The following RGS17 variants were observed in gnomAD, a reference collection of about 807,000 sequenced individuals.
RGS17 encodes regulator of G protein signaling 17.
A neutral mutation model predicts 25.5 loss-of-function variants in RGS17; 12 were observed. That is an observed-to-expected ratio of 0.47 (90% confidence interval 0.30 to 0.76). The LOEUF is 0.76. Among genes scored for constraint, RGS17 ranks in the 30% least tolerant of loss-of-function variants. The pLI is 0.07. For missense variants in RGS17, 196 were observed against 242.2 expected, an observed-to-expected ratio of 0.81 and a Z score of 1.27; for synonymous variants, 71 against 76.9, an observed-to-expected ratio of 0.92 and a Z score of 0.40.
At chr6:153,106,022 G>A (rs1226014779) in intron 1 of RGS17, among the ~76,000 whole-genome samples, 1 of 152,162 alleles carries the variant, frequency 6.6e-6, no homozygotes, top group Admixed American at 6.5e-5. Flanking sequence ...GGAACTGGGA[G>A]AGCAGAAACG....
At chr6:153,089,669 G>C (rs1462652157) in intron 1 of RGS17, among the ~76,000 whole-genome samples, 1 of 151,918 alleles carries the variant, frequency 6.6e-6, no homozygotes, top group Non-Finnish European at 1.5e-5. Flanking sequence ...TTTGGACTTA[G>C]TTTTTCTCTG....
Position 153,007,094 on chromosome 6 carries a change from G to T in RGS17, c.*4480C>A, listed in dbSNP as rs1779083674. The T allele has an allele frequency of 6.6e-6, 1 of 152,172 alleles. No homozygotes were observed. The highest frequency in any genetic ancestry group is 1.9e-4 in the East Asian group (1 of 5,190). The allele number at this position is 152,172 out of a possible 1,614,324, so 9.4% of individuals were successfully genotyped here. On this transcript the variant is annotated 3_prime_UTR_variant, in exon 5 of 5. Coordinates refer to ENST00000206262, the MANE Select transcript of RGS17 (RefSeq NM_012419.5). ...ACAGCCTCTTGAATTCATCTGAAAA[G>T]ATGTTACTTGGGGCTGGAGAGGACT...
At chr6:153,058,371 C>T (rs1776591510) in intron 1 of RGS17, among the ~76,000 whole-genome samples, 2 of 152,162 alleles carry the variant, frequency 1.3e-5, no homozygotes, top group Admixed American at 1.3e-4. Context: ...GGGTTCTACA[C>T]AAAGGCTTAG....
chr6:153,129,607 G>C (rs1777755292), intron 1 of RGS17, among the ~76,000 whole-genome samples: 1 of 152,154 alleles, frequency 6.6e-6, no homozygotes. Flanking sequence ...ATGAACGCCG[G>C]AAATGCAGAT....
chr6:153,122,197 T>C (rs1053015808), intron 1 of RGS17, among the ~76,000 whole-genome samples: 1 of 152,184 alleles, frequency 6.6e-6, no homozygotes, highest in African/African-American at 2.4e-5. Context: ...TCTTCCTGAA[T>C]ATTTGGCTAT....
chr6:153,104,892 A>G (rs574005929), intron 1 of RGS17, among the ~76,000 whole-genome samples: 2 of 151,942 alleles, frequency 1.3e-5, no homozygotes, highest in South Asian at 2.1e-4. Flanking sequence ...GAAAAAGGAG[A>G]TAAGAAAGTG....
chr6:153,127,051 C>T (rs1386557234), intron 1 of RGS17, among the ~76,000 whole-genome samples: 3 of 152,122 alleles, frequency 2.0e-5, no homozygotes, highest in Admixed American at 2.0e-4. Flanking sequence ...GAAACTGTTC[C>T]ACGTCAGCTC....
At chr6:153,051,411 A>G (rs895201897) in intron 1 of RGS17, among the ~76,000 whole-genome samples, 2 of 152,248 alleles carry the variant, frequency 1.3e-5, no homozygotes, top group African/African-American at 4.8e-5. Flanking sequence ...GTTAGTAGAA[A>G]TATGGATAGT....
chr6:153,129,424 G>A (rs770431188), intron 1 of RGS17, among the ~76,000 whole-genome samples: 17 of 152,212 alleles, frequency 1.1e-4, no homozygotes, highest in Non-Finnish European at 2.4e-4. Flanking sequence ...TCGGAAACAA[G>A]TACAATGTAC....
chr6:153,023,259 T>C, intron 4 of RGS17: 1 of 342,122 alleles, frequency 2.9e-6, no homozygotes, highest in Non-Finnish European at 6.1e-6. Flanking sequence ...CAGATGACTG[T>C]AGCCCATAAA....
intron 1 of RGS17, among the ~76,000 whole-genome samples, chr6:153,063,744 T>A (rs185230084): frequency 1.5e-4 from 23 of 152,214 alleles, no homozygotes; most frequent in Admixed American, 1.5e-3. Context: ...TTATAGAAGG[T>A]TACAGAATAC....
chr6:153,123,956 C>G (rs1403835456), intron 1 of RGS17, among the ~76,000 whole-genome samples: 1 of 152,062 alleles, frequency 6.6e-6, no homozygotes, highest in African/African-American at 2.4e-5. Flanking sequence ...GAGGGTTAAG[C>G]CTCCAGTCTG....
intron 1 of RGS17, among the ~76,000 whole-genome samples, chr6:153,102,575 C>A (rs142298845): frequency 3.9e-5 from 6 of 152,208 alleles, no homozygotes; most frequent in African/African-American, 1.4e-4. Flanking sequence ...TCCCCCATGC[C>A]GTTCTCATGA....
At chr6:153,103,771 T>C (rs1237021187) in intron 1 of RGS17, among the ~76,000 whole-genome samples, 1 of 152,238 alleles carries the variant, frequency 6.6e-6, no homozygotes, top group Middle Eastern at 3.2e-3. Flanking sequence ...CACAAAAGAA[T>C]GGCTATTAAA....
intron 2 of RGS17, among the ~76,000 whole-genome samples, chr6:153,039,958 A>C (rs1776301665): frequency 1.3e-5 from 2 of 152,340 alleles, no homozygotes; most frequent in South Asian, 4.1e-4. Context: ...GAAACGAGAC[A>C]TTCCACTTGC....
chr6:153,010,665 A>T lies in RGS17; in HGVS notation c.*909T>A, dbSNP rs1445737280. 1 of 152,058 alleles carries T rather than the reference A, an allele frequency of 6.6e-6. No homozygotes were observed. Among genetic ancestry groups the T allele is most frequent in the Non-Finnish European group, 1.5e-5 (1 of 67,896 alleles). 9.4% of individuals were successfully genotyped at this position (152,058 alleles called of 1,614,324 possible). ...TTTCTTTATATTCCAAAACTAAGTT[A>T]TCAAGCTTATTATTATTTTTTTCTT... On this transcript the variant is annotated 3_prime_UTR_variant, in exon 5 of 5. Transcript: ENST00000206262.
At chr6:153,124,430 A>C (rs550604370) in intron 1 of RGS17, among the ~76,000 whole-genome samples, 14 of 152,224 alleles carry the variant, frequency 9.2e-5, no homozygotes, top group Non-Finnish European at 2.1e-4. Flanking sequence ...TAAGACAAAT[A>C]CTGGCACGAA....
intron 1 of RGS17, among the ~76,000 whole-genome samples, chr6:153,056,305 G>A (rs9371664): frequency 0.38 from 58,348 of 151,950 alleles, 11,881 homozygotes; most frequent in East Asian, 0.62. Context: ...TGTTTCCTCT[G>A]AAGAAGAGAA....
intron 4 of RGS17, among the ~76,000 whole-genome samples, chr6:153,012,125 G>C (rs899168786): frequency 2.6e-5 from 4 of 152,114 alleles, no homozygotes; most frequent in African/African-American, 9.7e-5. Context: ...CTGTGACTGG[G>C]GGAGGTTGGC....
Sources: gnomAD v4.1 joint callset for allele counts (sites outside exome capture counted in the v4.1 genomes callset) on GRCh38, gnomAD v4.1.1 for gene constraint, MANE v1.5 for transcripts, NCBI Gene and HGNC (gene_info 2026-07-23, HGNC 2026-07-21) for gene names.